The following RELN variants were observed in gnomAD, a reference collection of about 807,000 sequenced individuals.
RELN encodes the protein reelin.
RELN carries 108 observed loss-of-function variants against 427.6 expected under a neutral mutation model. The observed-to-expected ratio is 0.25, with a 90% CI of 0.22 to 0.30. The LOEUF is 0.30. RELN is among the 10% of genes least tolerant of loss of function. The pLI is 1.00. For synonymous variants in RELN, 1,524 were observed against 1,513.4 expected (o/e 1.01, Z -0.16); for missense variants, 3,715 against 4,302.8 (o/e 0.86, Z 3.82).
At chr7:103,866,122 A>G (rs1794191324) in intron 2 of RELN, among the ~76,000 whole-genome samples, 1 of 152,156 alleles carries the variant, frequency 6.6e-6, no homozygotes, top group Admixed American at 6.6e-5. Flanking sequence ...AGCCATAACA[A>G]AAGCAAGAAT....
chr7:103,595,662 C>T (rs186324691), intron 25 of RELN, among the ~76,000 whole-genome samples: 211 of 151,740 alleles, frequency 1.4e-3, no homozygotes, highest in African/African-American at 4.4e-3. Context: ...GGACAAGATC[C>T]ATATATTAAA....
chr7:103,505,006 C>A (rs1336300007), intron 51 of RELN, among the ~76,000 whole-genome samples: 1 of 152,058 alleles, frequency 6.6e-6, no homozygotes, highest in Non-Finnish European at 1.5e-5. Flanking sequence ...GCAAGGCCAA[C>A]TGCCACTCTA....
rs778887637 is a variant in RELN at position 103,753,171 on chromosome 7, T to C, written c.577+11A>G. The C allele has an allele frequency of 6.2e-7, 1 of 1,613,858 alleles. No individual in the cohort carries two copies. Among genetic ancestry groups the C allele is most frequent in the Admixed American group, 1.7e-5 (1 of 60,026 alleles). On this transcript the variant is annotated intron_variant, in intron 5 of 64. Transcript: ENST00000428762. ...ACTAAAGTTAATGACATCAGAGTCTTAAACACTTACCTAGATGTGGGTGCA... is the reference window on the plus strand; with the variant it reads ...ACTAAAGTTAATGACATCAGAGTCTCAAACACTTACCTAGATGTGGGTGCA...
At chr7:103,962,072 C>T (rs933461680) in intron 1 of RELN, among the ~76,000 whole-genome samples, 1 of 152,118 alleles carries the variant, frequency 6.6e-6, no homozygotes, top group African/African-American at 2.4e-5. Flanking sequence ...TTTGGTCACA[C>T]CTTTTCAGTT....
chr7:103,666,747 A>G (rs1025983818), intron 11 of RELN, among the ~76,000 whole-genome samples: 3 of 151,412 alleles, frequency 2.0e-5, no homozygotes, highest in African/African-American at 7.3e-5. Flanking sequence ...GAATTTTCCC[A>G]CCACCTGGGT....
At position 103,833,755 on chromosome 7, in the gene RELN, T is replaced by C. The variant is rs1039890481; in HGVS notation, c.338-83A>G. On this transcript the variant is annotated intron_variant, in intron 2 of 64. Coordinates refer to ENST00000428762, the MANE Select transcript of RELN (RefSeq NM_005045.4). ...TGGCATCACAGTATTTTCTGAATAT[T>C]TTTCTTTCATGTTAAGGTTCTATGC... 8.7e-6 allele frequency: 12 copies of C among 1,385,226 alleles called. No homozygotes were observed. The East Asian group carries it at 3.0e-4, about 34-fold the overall frequency. 85.8% of individuals were successfully genotyped at this position (1,385,226 alleles called of 1,614,324 possible).
intron 1 of RELN, among the ~76,000 whole-genome samples, chr7:103,943,277 C>A (rs1796152492): frequency 6.6e-6 from 1 of 152,082 alleles, no homozygotes; most frequent in Non-Finnish European, 1.5e-5. Flanking sequence ...AGATGGGACA[C>A]CACTTGTATT....
chr7:103,773,178 CCTT>C (rs1416948865), intron 4 of RELN, among the ~76,000 whole-genome samples: 13 of 126,176 alleles, frequency 1.0e-4, no homozygotes, highest in Middle Eastern at 7.7e-3. Context: ...TTCTTTCTTT[CCTT>C]CTTTCTTTTC....
At chr7:103,943,847 C>T (rs1280103339) in intron 1 of RELN, among the ~76,000 whole-genome samples, 1 of 14,600 alleles carries the variant, frequency 6.8e-5, no homozygotes, top group Admixed American at 6.2e-4. Flanking sequence ...GATTCTGTCT[C>T]CAAAAAAAAA....
rs184128506 is a variant in RELN at position 103,519,492 on chromosome 7, C to T, written c.7693G>A (p.Val2565Met). The change falls in exon 49 of 65, where the codon GTG becomes ATG. Residue 2565 changes from valine to methionine, a missense_variant. Val to Met is a conservative substitution (Grantham distance 21, BLOSUM62 1). This residue lies in a region of RELN where 1,310 missense variants were observed against 1,643.0 expected (regional missense o/e 0.80). Coordinates refer to ENST00000428762, the MANE Select transcript of RELN (RefSeq NM_005045.4). ...TCAGCATTAGTGAGGTTTAGATCCA[C>T]AGTGACTAATAATCGACTACAACCC... ...SGGCSRLLVT[V>M]DLNLTNAEFI... 105 of 1,612,164 alleles carry T rather than the reference C, an allele frequency of 6.5e-5. No homozygotes were observed. In the East Asian group the frequency reaches 2.3e-3, roughly 35 times the overall value.
At chr7:103,613,222 G>T (rs1345395521) in intron 20 of RELN, among the ~76,000 whole-genome samples, 1 of 152,094 alleles carries the variant, frequency 6.6e-6, no homozygotes, top group Non-Finnish European at 1.5e-5. Context: ...TGACTCTAAA[G>T]CTTCTTAACC....
rs567749949 is a variant in RELN, at chr7:103,489,027, G to C, written c.9763+715C>G. On this transcript the variant is annotated intron_variant, in intron 60 of 64. Transcript: ENST00000428762. ...GGAAAGCGAACTTTGTAATGATAGA[G>C]GCTGAAACCTGTTAGAAACATTGGA... is the stretch of plus-strand genomic sequence containing the variant. Among the ~76,000 whole-genome samples the C allele has an allele frequency of 3.7e-4, 57 of 152,274 alleles. No individual in the cohort carries two copies. The South Asian group carries it at 0.012, about 31-fold the overall frequency.
intron 1 of RELN, among the ~76,000 whole-genome samples, chr7:103,986,226 T>C (rs1342460479): frequency 6.6e-6 from 1 of 151,974 alleles, no homozygotes; most frequent in African/African-American, 2.4e-5. Flanking sequence ...AAAAGATATA[T>C]GAAGATGAGA....
intron 8 of RELN, among the ~76,000 whole-genome samples, chr7:103,721,412 T>A (rs551370406): frequency 6.6e-6 from 1 of 152,290 alleles, no homozygotes; most frequent in African/African-American, 2.4e-5. Flanking sequence ...TTATGTCTAG[T>A]CCCGAGACCT....
At chr7:103,665,499 A>C (rs774842952) in intron 11 of RELN, among the ~76,000 whole-genome samples, 9 of 152,112 alleles carry the variant, frequency 5.9e-5, no homozygotes, top group Non-Finnish European at 1.3e-4. Flanking sequence ...CTTCCTAATG[A>C]ATGTTAGAAT....
intron 1 of RELN, among the ~76,000 whole-genome samples, chr7:103,931,824 C>A (rs1000984756): frequency 3.6e-4 from 55 of 152,166 alleles, no homozygotes; most frequent in Non-Finnish European, 7.3e-5. Flanking sequence ...CTCCTTTGTA[C>A]ACAATTCTCT....
chr7:103,590,495 G>T (rs903917635), intron 27 of RELN, among the ~76,000 whole-genome samples: 7 of 152,030 alleles, frequency 4.6e-5, no homozygotes, highest in Middle Eastern at 3.2e-3. Flanking sequence ...GGGAGGCGGA[G>T]GTTGCAGTGA....
At chr7:103,521,725 C>G (rs1031357215) in intron 48 of RELN, among the ~76,000 whole-genome samples, 1 of 152,136 alleles carries the variant, frequency 6.6e-6, no homozygotes, top group Non-Finnish European at 1.5e-5. Flanking sequence ...ATTAAATAGT[C>G]TCAACTGATT....
chr7:103,970,780 T>G (rs1192106978), intron 1 of RELN, among the ~76,000 whole-genome samples: 1 of 152,218 alleles, frequency 6.6e-6, no homozygotes, highest in African/African-American at 2.4e-5. Context: ...CCAGGAACAG[T>G]GGTTCTGTAG....
Sources: gnomAD v4.1 joint callset for allele counts (sites outside exome capture counted in the v4.1 genomes callset) on GRCh38, gnomAD v4.1.1 for gene constraint, gnomAD v4.1.1 regional missense constraint, MANE v1.5 for transcripts, NCBI Gene and HGNC (gene_info 2026-07-23, HGNC 2026-07-21) for gene names.